PRR16: variants seen among roughly 807,000 people sequenced by gnomAD.
PRR16 encodes proline rich 16, also known as protein Largen.
PRR16 carries 6 observed loss-of-function variants against 18.2 expected under a neutral mutation model. That is an observed-to-expected ratio of 0.33 (90% CI 0.18 to 0.65). The LOEUF is 0.65. Among genes scored for constraint, PRR16 ranks in the 30% least tolerant of loss-of-function variants. The probability of loss-of-function intolerance (pLI) is 0.74; values close to 1 mark genes in which losing one functional copy is unlikely to be tolerated. For synonymous variants in PRR16, 151 were observed against 147.8 expected (o/e 1.02, Z -0.16); for missense variants, 412 against 376.6 (o/e 1.09, Z -0.78).
intron 1 of PRR16, among the ~76,000 whole-genome samples, chr5:120,481,700 A>G (rs1749622929): frequency 6.6e-6 from 1 of 152,206 alleles, no homozygotes; most frequent in African/African-American, 2.4e-5. Context: ...GAAGTTTTCT[A>G]ACAAAAATGG....
At chr5:120,632,853 G>A (rs995957833) in intron 1 of PRR16, among the ~76,000 whole-genome samples, 1 of 152,108 alleles carries the variant, frequency 6.6e-6, no homozygotes, top group Non-Finnish European at 1.5e-5. Flanking sequence ...TAGAGATCTA[G>A]ACATGCAAAT....
At chr5:120,538,583 G>A (rs1012703706) in intron 1 of PRR16, among the ~76,000 whole-genome samples, 1 of 152,202 alleles carries the variant, frequency 6.6e-6, no homozygotes, top group Non-Finnish European at 1.5e-5. Context: ...GGTTTCTGCT[G>A]TTAAAACATT....
chr5:120,496,044 A>T (rs539072721), intron 1 of PRR16, among the ~76,000 whole-genome samples: 1 of 152,120 alleles, frequency 6.6e-6, no homozygotes, highest in Non-Finnish European at 1.5e-5. Flanking sequence ...AATTTTCACA[A>T]ATATTTTCAC....
At chr5:120,753,968 T>A in the PRR16 span, among the ~76,000 whole-genome samples, 6 of 112,840 alleles carry the variant, frequency 5.3e-5, no homozygotes, top group South Asian at 5.2e-4. Flanking sequence ...ATATAATATA[T>A]GTTATATAAT....
intron 1 of PRR16, among the ~76,000 whole-genome samples, chr5:120,516,593 T>A (rs1297317095): frequency 6.6e-6 from 1 of 152,012 alleles, no homozygotes; most frequent in African/African-American, 2.4e-5. Flanking sequence ...CTAAAGAATA[T>A]GAATGCTGCA....
chr5:120,735,107 T>A, the PRR16 span, among the ~76,000 whole-genome samples: 3 of 152,314 alleles, frequency 2.0e-5, no homozygotes, highest in East Asian at 5.8e-4. Context: ...AATGGAAGCA[T>A]ATGTATTTGT....
the PRR16 span, among the ~76,000 whole-genome samples, chr5:120,723,814 C>T: frequency 6.6e-6 from 1 of 151,700 alleles, no homozygotes; most frequent in African/African-American, 2.4e-5. Context: ...TGGTATTATG[C>T]TATTATTTGT....
At chr5:120,473,673 G>A (rs946530517) in intron 1 of PRR16, among the ~76,000 whole-genome samples, 1 of 152,150 alleles carries the variant, frequency 6.6e-6, no homozygotes, top group Admixed American at 6.5e-5. Flanking sequence ...AACACCTACT[G>A]TACACCAGGC....
chr5:120,737,977 A>G, the PRR16 span, among the ~76,000 whole-genome samples: 1 of 152,110 alleles, frequency 6.6e-6, no homozygotes, highest in Non-Finnish European at 1.5e-5. Flanking sequence ...TTTGTTCTTT[A>G]AAAAGAAAGA....
intron 1 of PRR16, among the ~76,000 whole-genome samples, chr5:120,550,170 T>A (rs1006292402): frequency 6.6e-6 from 1 of 152,078 alleles, no homozygotes; most frequent in Non-Finnish European, 1.5e-5. Context: ...TAGAAAAGCA[T>A]CTTCAAGCAA....
the PRR16 span, among the ~76,000 whole-genome samples, chr5:120,713,703 C>T: frequency 6.6e-6 from 1 of 152,126 alleles, no homozygotes; most frequent in African/African-American, 2.4e-5. Flanking sequence ...AGTAGTTTTT[C>T]CTCCTTTTCT....
intron 1 of PRR16, among the ~76,000 whole-genome samples, chr5:120,588,908 C>T (rs1753540703): frequency 6.6e-6 from 1 of 151,454 alleles, no homozygotes; most frequent in Admixed American, 6.6e-5. Context: ...GGTTATCTCT[C>T]TCTGTCTAAC....
At chr5:120,472,424 A>C (rs1183916680) in intron 1 of PRR16, among the ~76,000 whole-genome samples, 2 of 152,104 alleles carry the variant, frequency 1.3e-5, no homozygotes, top group African/African-American at 4.8e-5. Flanking sequence ...AGTGGTTCTT[A>C]ATAGTCTCCC....
intron 1 of PRR16, among the ~76,000 whole-genome samples, chr5:120,666,986 GGA>G (rs1756402764): frequency 6.8e-6 from 1 of 147,878 alleles, no homozygotes; most frequent in African/African-American, 2.5e-5. Flanking sequence ...AATGAGTTAG[GGA>G]GGATTCCCTC....
intron 1 of PRR16, among the ~76,000 whole-genome samples, chr5:120,516,973 G>A (rs565159627): frequency 6.6e-6 from 1 of 152,114 alleles, no homozygotes; most frequent in Non-Finnish European, 1.5e-5. Flanking sequence ...TCATAACCAA[G>A]AACAATTTCT....
the PRR16 span, among the ~76,000 whole-genome samples, chr5:120,765,999 C>T: frequency 0.24 from 36,821 of 151,844 alleles, 4,985 homozygotes; most frequent in Non-Finnish European, 0.3. Flanking sequence ...TTTATCCATT[C>T]CAGTGTTTAT....
intron 1 of PRR16, among the ~76,000 whole-genome samples, chr5:120,497,540 C>T (rs943376405): frequency 4.6e-5 from 7 of 151,812 alleles, no homozygotes; most frequent in South Asian, 2.1e-4. Flanking sequence ...CAGGTGCACA[C>T]CACCACACCC....
chr5:120,658,969 T>G (rs988117271), intron 1 of PRR16, among the ~76,000 whole-genome samples: 3 of 151,862 alleles, frequency 2.0e-5, no homozygotes, highest in African/African-American at 4.8e-5. Context: ...CTGGTCACAA[T>G]CAGGGTTCTT....
chr5:120,542,945 TTTTAACTA>T (rs1363920047), intron 1 of PRR16, among the ~76,000 whole-genome samples: 1 of 152,190 alleles, frequency 6.6e-6, no homozygotes, highest in African/African-American at 2.4e-5. Context: ...ATTGCTGTGT[TTTTAACTA>T]TTAGGAAACT....
Sources: gnomAD v4.1 joint callset for allele counts (sites outside exome capture counted in the v4.1 genomes callset) on GRCh38, gnomAD v4.1.1 for gene constraint, MANE v1.5 for transcripts, NCBI Gene and HGNC (gene_info 2026-07-23, HGNC 2026-07-21) for gene names.